The following ARID2 variants were observed in gnomAD, a reference collection of about 807,000 sequenced individuals.
The protein encoded by ARID2 is AT-rich interaction domain 2.
In ARID2, 32 loss-of-function variants were observed where a neutral mutation model predicts 184.6. That is an observed-to-expected ratio of 0.17 (90% CI 0.13 to 0.23). The LOEUF is 0.23. ARID2 is among the 10% of genes least tolerant of loss of function. ARID2 has a pLI of 1.00. For missense variants in ARID2, 1,696 were observed against 2,197.6 expected (o/e 0.77, Z 4.56); for synonymous variants, 836 against 772.6 (o/e 1.08, Z -1.36).
At chr12:45,780,522 T>C (rs1242511492) in intron 3 of ARID2, among the ~76,000 whole-genome samples, 7 of 152,168 alleles carry the variant, frequency 4.6e-5, no homozygotes, top group Non-Finnish European at 7.4e-5. Context: ...AATGATACTA[T>C]AATAATTTAT....
intron 3 of ARID2, among the ~76,000 whole-genome samples, chr12:45,791,766 T>C (rs552343941): frequency 6.6e-6 from 1 of 152,288 alleles, no homozygotes; most frequent in South Asian, 2.1e-4. Context: ...CGGCCCAGAT[T>C]GTAATTTATT....
intron 10 of ARID2, among the ~76,000 whole-genome samples, chr12:45,837,938 T>G (rs1213634328): frequency 6.6e-6 from 1 of 152,234 alleles, no homozygotes; most frequent in Non-Finnish European, 1.5e-5. Context: ...TGTTTATTTT[T>G]TATTTTTATT....
chr12:45,896,079 T>C (rs1056699633), intron 20 of ARID2, among the ~76,000 whole-genome samples: 19 of 152,110 alleles, frequency 1.2e-4, no homozygotes, highest in Non-Finnish European at 2.4e-4. Flanking sequence ...TTTGAAAAAA[T>C]AGAAAAATCC....
At chr12:45,862,881 T>G (rs1943772029) in intron 16 of ARID2, among the ~76,000 whole-genome samples, 1 of 134,034 alleles carries the variant, frequency 7.5e-6, no homozygotes, top group Admixed American at 8.3e-5. Context: ...CAGGGCTTCT[T>G]AGAGCATGCC....
At chr12:45,808,461 A>G (rs899673658) in intron 3 of ARID2, among the ~76,000 whole-genome samples, 1 of 152,184 alleles carries the variant, frequency 6.6e-6, no homozygotes, top group African/African-American at 2.4e-5. Context: ...GGGGATTGGA[A>G]TTGTGCAAAG....
At chr12:45,859,242 A>T (rs1943702293) in intron 15 of ARID2, among the ~76,000 whole-genome samples, 1 of 152,222 alleles carries the variant, frequency 6.6e-6, no homozygotes, top group African/African-American at 2.4e-5. Context: ...GTTTTGATAC[A>T]CAAATACTTA....
At chr12:45,895,895 A>G (rs1944362721) in intron 20 of ARID2, among the ~76,000 whole-genome samples, 10 of 152,210 alleles carry the variant, frequency 6.6e-5, no homozygotes, top group Admixed American at 6.5e-4. Flanking sequence ...TTAACCAAAG[A>G]GAAGATTTGT....
intron 6 of ARID2, among the ~76,000 whole-genome samples, chr12:45,826,032 ACCTAAG>A (rs1243018213): frequency 6.6e-6 from 1 of 152,066 alleles, no homozygotes; most frequent in Non-Finnish European, 1.5e-5. Context: ...CTTTTTCTTT[ACCTAAG>A]AAGAGATAAA....
At chr12:45,835,494 G>T (rs1344540680) in intron 6 of ARID2, among the ~76,000 whole-genome samples, 1 of 147,244 alleles carries the variant, frequency 6.8e-6, no homozygotes, top group Non-Finnish European at 1.5e-5. Context: ...TAAGAACTTT[G>T]ATTCCAAAAA....
chr12:45,805,221 G>A (rs1942578782), intron 3 of ARID2, among the ~76,000 whole-genome samples: 1 of 151,432 alleles, frequency 6.6e-6, no homozygotes, highest in Admixed American at 6.6e-5. Context: ...TTTCCCTATG[G>A]TGATTTTGAA....
At position 45,850,993 on chromosome 12, in the gene ARID2, G is replaced by A. The variant is rs1387865366; in HGVS notation, c.2870G>A (p.Gly957Asp). The A allele has an allele frequency of 2.5e-6, 4 of 1,614,090 alleles. No individual in the cohort carries two copies. In the South Asian group the frequency reaches 4.4e-5, roughly 18 times the overall value. The change falls in exon 15 of 21, where the codon GGT becomes GAT. Residue 957 changes from glycine to aspartate, a missense_variant. This residue lies in a region of ARID2 where 713 missense variants were observed against 824.4 expected (regional missense o/e 0.86). Coordinates refer to ENST00000334344, the MANE Select transcript of ARID2 (RefSeq NM_152641.4). ...VLANPAALPA[G>D]QTVQLTGQPN... is the part of the protein sequence containing the mutation. ...GCTAATCCAGCAGCTCTTCCAGCTG[G>A]TCAGACAGTTCAGCTAACTGGACAA...
At chr12:45,860,676 A>G in intron 15 of ARID2, 125 bp from the exon 16 acceptor site, 1 of 862,512 alleles carries the variant, frequency 1.2e-6, no homozygotes, top group Non-Finnish European at 1.5e-6. Flanking sequence ...ATAAGCTTAA[A>G]ATTATAAAAT....
Position 45,849,624 on chromosome 12 carries a change from G to T in ARID2, c.1760G>T (p.Ser587Ile), listed in dbSNP as rs1373748194. The change falls in exon 14 of 21, where the codon AGT (serine) becomes ATT (isoleucine). Residue 587 changes from serine to isoleucine, a missense_variant. Around this residue, in one of 11 missense-constraint regions of ARID2, gnomAD observed 713 missense variants for 824.4 expected, o/e 0.86. Coordinates refer to ENST00000334344, the MANE Select transcript of ARID2 (RefSeq NM_152641.4). ...NHTVKRVEDS[S>I]SNGQAHIHVV... ...ACAGTGAAGAGAGTGGAGGATTCCA[G>T]TAGCAATGGGCAGGCACATATTCAT... 6.2e-7 allele frequency: 1 copy of T among 1,613,534 alleles called. No homozygotes were observed. Among genetic ancestry groups the T allele is most frequent in the Non-Finnish European group, 8.5e-7 (1 of 1,179,620 alleles).
intron 3 of ARID2, among the ~76,000 whole-genome samples, chr12:45,739,917 G>T (rs1336659708): frequency 3.9e-5 from 6 of 152,146 alleles, no homozygotes; most frequent in Admixed American, 3.9e-4. Flanking sequence ...AACTTTTTCA[G>T]TAGTAAGGCT....
At chr12:45,754,158 C>T (rs1281379155) in intron 3 of ARID2, among the ~76,000 whole-genome samples, 1 of 152,068 alleles carries the variant, frequency 6.6e-6, no homozygotes, top group Non-Finnish European at 1.5e-5. Flanking sequence ...CTTATAGAAG[C>T]ATTTCATTCA....
chr12:45,738,779 C>CT (rs11333868), intron 3 of ARID2, among the ~76,000 whole-genome samples: 2,474 of 61,792 alleles, frequency 0.04, 333 homozygotes, highest in African/African-American at 0.079. Context: ...ATATGGGCTA[C>CT]TTTTTTTTTT....
At chr12:45,857,747 C>G (rs1235095985) in intron 15 of ARID2, among the ~76,000 whole-genome samples, 1 of 152,016 alleles carries the variant, frequency 6.6e-6, no homozygotes, top group Non-Finnish European at 1.5e-5. Context: ...ATGCATCTCT[C>G]TCTCTCTCCC....
Position 45,802,882 on chromosome 12 carries a change from G to T in ARID2, c.285-8536G>T, listed in dbSNP as rs569596486. 1.6e-4 allele frequency among the ~76,000 whole-genome samples: 24 copies of T among 152,138 alleles called. No homozygotes were observed. In the East Asian group the frequency reaches 4.6e-3, roughly 29 times the overall value. ...GACTTTCAACTTCTTTGCCACGTTC[G>T]TCTGCCTGTGAATGACATAATAAAT... On this transcript the variant is annotated intron_variant, in intron 3 of 20. Transcript: ENST00000334344.
chr12:45,802,902 A>G (rs1261499646), intron 3 of ARID2, among the ~76,000 whole-genome samples: 1 of 152,168 alleles, frequency 6.6e-6, no homozygotes, highest in Non-Finnish European at 1.5e-5. Flanking sequence ...GAATGACATA[A>G]TAAATGATTT....
Sources: gnomAD v4.1 joint callset for allele counts (sites outside exome capture counted in the v4.1 genomes callset) on GRCh38, gnomAD v4.1.1 for gene constraint, gnomAD v4.1.1 regional missense constraint, MANE v1.5 for transcripts, NCBI Gene and HGNC (gene_info 2026-07-23, HGNC 2026-07-21) for gene names.